The following PDE4D variants were observed in gnomAD, a reference collection of about 807,000 sequenced individuals.
PDE4D encodes the protein phosphodiesterase 4D, also known as 3',5'-cyclic-AMP phosphodiesterase 4D.
Under a neutral mutation model 87.4 loss-of-function variants are expected in PDE4D, and 24 were observed. That is an observed-to-expected ratio of 0.27 (90% CI 0.20 to 0.39). The LOEUF is 0.39. PDE4D is among the 10% of genes least tolerant of loss of function. The pLI is 1.00. For missense variants in PDE4D, 714 were observed against 1,041.0 expected, an observed-to-expected ratio of 0.69 and a Z score of 4.32; for synonymous variants, 384 against 383.2, an observed-to-expected ratio of 1.00 and a Z score of -0.02.
chr5:60,046,102 CT>C (rs1216273912), intron 2 of PDE4D, among the ~76,000 whole-genome samples: 1 of 152,070 alleles, frequency 6.6e-6, no homozygotes, highest in Non-Finnish European at 1.5e-5. Context: ...AGTTGGATTC[CT>C]AGGTATTTTA....
At chr5:60,048,667 T>A (rs912925841) in intron 2 of PDE4D, among the ~76,000 whole-genome samples, 4 of 152,064 alleles carry the variant, frequency 2.6e-5, no homozygotes, top group Non-Finnish European at 5.9e-5. Flanking sequence ...TGAAAATTCT[T>A]TTCTTTAAGA....
chr5:60,503,318 C>G (rs1422351667), intron 1 of PDE4D, among the ~76,000 whole-genome samples: 1 of 152,082 alleles, frequency 6.6e-6, no homozygotes, highest in Admixed American at 6.5e-5. Context: ...ATAGGATATT[C>G]TACTCACTAC....
chr5:60,423,005 A>G (rs542737478), intron 1 of PDE4D, among the ~76,000 whole-genome samples: 1 of 152,352 alleles, frequency 6.6e-6, no homozygotes, highest in African/African-American at 2.4e-5. Flanking sequence ...TAACCTAAAT[A>G]TATATGTACC....
At chr5:59,681,788 A>G (rs1272676186) in intron 1 of PDE4D, among the ~76,000 whole-genome samples, 1 of 151,306 alleles carries the variant, frequency 6.6e-6, no homozygotes, top group East Asian at 2.0e-4. Flanking sequence ...CTGTAGTCCC[A>G]GCTACTCGGG....
chr5:59,962,689 T>C (rs1759608874), intron 3 of PDE4D, among the ~76,000 whole-genome samples: 2 of 152,170 alleles, frequency 1.3e-5, no homozygotes, highest in African/African-American at 4.8e-5. Context: ...TTCAGTGTCA[T>C]TTAAAGAGAC....
intron 1 of PDE4D, among the ~76,000 whole-genome samples, chr5:60,219,566 A>C (rs1417578503): frequency 2.0e-5 from 3 of 152,300 alleles, no homozygotes; most frequent in Non-Finnish European, 4.4e-5. Flanking sequence ...TGAGCTATGA[A>C]GTCTACAGTA....
At chr5:59,987,112 C>T (rs1762527854) in intron 3 of PDE4D, 1 of 152,158 alleles carries the variant, frequency 6.6e-6, no homozygotes, top group Admixed American at 6.5e-5. Context: ...GAGAGCTCTG[C>T]TAGCAAATCA....
chr5:59,046,068 AT>A (rs1400687508), intron 5 of PDE4D, among the ~76,000 whole-genome samples: 3 of 152,150 alleles, frequency 2.0e-5, no homozygotes, highest in Non-Finnish European at 4.4e-5. Flanking sequence ...TAACTTATTA[AT>A]CATACTGTAA....
At chr5:59,455,932 T>C (rs1799859191) in intron 1 of PDE4D, among the ~76,000 whole-genome samples, 1 of 152,244 alleles carries the variant, frequency 6.6e-6, no homozygotes, top group Non-Finnish European at 1.5e-5. Flanking sequence ...ATTTCTTCCA[T>C]TTGGAATGGT....
Position 59,078,276 on chromosome 5 carries a change from G to A in PDE4D, c.809-39305C>T, listed in dbSNP as rs887710995. 1.1e-4 allele frequency among the ~76,000 whole-genome samples: 17 copies of A among 152,188 alleles called. No homozygotes were observed. The East Asian group carries it at 1.9e-3, about 17-fold the overall frequency. ...TAAGAAAACTGGTATAGATTTATAC[G>A]TACTAAAATAAAATAATCTCCAAAA... On this transcript the variant is annotated intron_variant, in intron 5 of 14. Transcript: ENST00000340635.
intron 5 of PDE4D, among the ~76,000 whole-genome samples, chr5:59,153,654 T>C (rs1278964759): frequency 6.6e-6 from 1 of 152,138 alleles, no homozygotes; most frequent in Non-Finnish European, 1.5e-5. Context: ...CTACTTCAGG[T>C]CTATTGAACA....
intron 1 of PDE4D, among the ~76,000 whole-genome samples, chr5:59,771,550 G>GAAAGAAAGAAAGAAAGAAAGAAAGAA (rs148552085): frequency 3.7e-5 from 5 of 134,634 alleles, no homozygotes; most frequent in African/African-American, 1.2e-4. Flanking sequence ...AAGAAAGAAA[G>GAAAGAAAGAAAGAAAGAAAGAAAGAA]AAAAGAAAGA....
intron 1 of PDE4D, among the ~76,000 whole-genome samples, chr5:59,347,539 T>C (rs950934155): frequency 2.6e-5 from 4 of 152,204 alleles, no homozygotes; most frequent in Admixed American, 2.6e-4. Context: ...CAGACACATA[T>C]TTCAAACAAA....
chr5:60,393,844 T>C (rs962850061), intron 1 of PDE4D, among the ~76,000 whole-genome samples: 1 of 152,214 alleles, frequency 6.6e-6, no homozygotes, highest in African/African-American at 2.4e-5. Context: ...GATTCTGGTG[T>C]GGAAGAAAAT....
intron 1 of PDE4D, among the ~76,000 whole-genome samples, chr5:59,267,743 T>G (rs1050620418): frequency 5.9e-5 from 9 of 152,092 alleles, no homozygotes; most frequent in Non-Finnish European, 1.2e-4. Context: ...CCTAACTCTG[T>G]GGGTTTAAAA....
At chr5:60,051,477 C>A (rs1770145794) in intron 2 of PDE4D, among the ~76,000 whole-genome samples, 1 of 152,138 alleles carries the variant, frequency 6.6e-6, no homozygotes, top group South Asian at 2.1e-4. Flanking sequence ...TAAATAAGTT[C>A]TTTGAAACCA....
At chr5:59,036,263 A>C (rs1561359409) in intron 6 of PDE4D, among the ~76,000 whole-genome samples, 1 of 152,194 alleles carries the variant, frequency 6.6e-6, no homozygotes, top group Non-Finnish European at 1.5e-5. Flanking sequence ...TGTGCTTTTC[A>C]ATCTATTAGA....
intron 1 of PDE4D, among the ~76,000 whole-genome samples, chr5:59,443,906 A>G (rs944762372): frequency 6.6e-6 from 1 of 152,020 alleles, no homozygotes; most frequent in African/African-American, 2.4e-5. Flanking sequence ...TCATATGGAA[A>G]TTTTTTTAAA....
At chr5:59,594,647 A>G (rs1438105010) in intron 1 of PDE4D, among the ~76,000 whole-genome samples, 1 of 152,036 alleles carries the variant, frequency 6.6e-6, no homozygotes, top group Non-Finnish European at 1.5e-5. Flanking sequence ...AGGCCTATTT[A>G]CAGGAGTTCC....
Sources: allele counts gnomAD v4.1 joint callset (sites outside exome capture counted in the v4.1 genomes callset), GRCh38; gene constraint gnomAD v4.1.1; transcripts MANE v1.5; gene names NCBI Gene and HGNC (gene_info 2026-07-23, HGNC 2026-07-21).